DLGAP2: variants seen among roughly 807,000 people sequenced by gnomAD.
The protein encoded by DLGAP2 is disks large-associated protein 2.
Under a neutral mutation model 100.3 loss-of-function variants are expected in DLGAP2, and 26 were observed. The ratio of observed to expected loss-of-function variants is 0.26; its 90% CI spans 0.19 to 0.36. The LOEUF is 0.36. Among genes scored for constraint, DLGAP2 ranks in the 10% least tolerant of loss-of-function variants. The pLI, the probability that DLGAP2 is intolerant of heterozygous loss-of-function variation, is 1.00. For synonymous variants in DLGAP2, 886 were observed against 630.1 expected, an observed-to-expected ratio of 1.41 and a Z score of -6.08; for missense variants, 1,858 against 1,453.2, an observed-to-expected ratio of 1.28 and a Z score of -4.53.
chr8:826,586 G>A (rs986257542), intron 1 of DLGAP2, among the ~76,000 whole-genome samples: 3 of 152,046 alleles, frequency 2.0e-5, no homozygotes, highest in African/African-American at 7.2e-5. Flanking sequence ...TTCTTGGGAA[G>A]TAGTTGTTTT....
At chr8:822,552 A>G (rs898050080) in intron 1 of DLGAP2, among the ~76,000 whole-genome samples, 8 of 152,254 alleles carry the variant, frequency 5.3e-5, no homozygotes, top group African/African-American at 1.4e-4. Flanking sequence ...GACAGAGAGT[A>G]GGAGCAGGGC....
chr8:897,385 G>A (rs1386820698), intron 1 of DLGAP2, among the ~76,000 whole-genome samples: 1 of 152,170 alleles, frequency 6.6e-6, no homozygotes, highest in Non-Finnish European at 1.5e-5. Flanking sequence ...GAAAGCTTTA[G>A]GAAGGCCTGG....
At chr8:1,686,957 T>A (rs1429111354) in intron 12 of DLGAP2, among the ~76,000 whole-genome samples, 1 of 152,180 alleles carries the variant, frequency 6.6e-6, no homozygotes. Context: ...ACTGTAGACA[T>A]CTGTTCAAAT....
chr8:1,263,774 G>C (rs1646132152), intron 3 of DLGAP2, among the ~76,000 whole-genome samples: 1 of 152,238 alleles, frequency 6.6e-6, no homozygotes, highest in Non-Finnish European at 1.5e-5. Flanking sequence ...GCTCTCTGTG[G>C]AGAGGGAGGG....
At chr8:1,497,184 C>G (rs1799574111) in intron 3 of DLGAP2, among the ~76,000 whole-genome samples, 1 of 152,154 alleles carries the variant, frequency 6.6e-6, no homozygotes, top group African/African-American at 2.4e-5. Context: ...CATTCCCACG[C>G]GTGAATGGAT....
rs73186531 is a variant in DLGAP2 at position 1,230,843 on chromosome 8, T to C, written c.74-28008T>C. ...AACTGGATTCCTGCCTTTCAGCATA[T>C]GCAAAAATTAACTCAAGATGAATTA... On this transcript the variant is annotated intron_variant, in intron 2 of 14. Transcript: ENST00000637795. 2.0e-5 allele frequency among the ~76,000 whole-genome samples: 3 copies of C among 152,062 alleles called. No individual in the cohort carries two copies. In the South Asian group the frequency reaches 6.2e-4, roughly 32 times the overall value.
At chr8:1,195,203 A>T (rs1169431556) in intron 2 of DLGAP2, among the ~76,000 whole-genome samples, 1 of 152,202 alleles carries the variant, frequency 6.6e-6, no homozygotes, top group Non-Finnish European at 1.5e-5. Flanking sequence ...CCCCATGGTC[A>T]TCCCAGCTGG....
At chr8:956,277 G>A (rs1799595476) in intron 2 of DLGAP2, among the ~76,000 whole-genome samples, 1 of 152,208 alleles carries the variant, frequency 6.6e-6, no homozygotes, top group African/African-American at 2.4e-5. Flanking sequence ...CCGACAAGTT[G>A]TGCTCCCCAG....
intron 2 of DLGAP2, among the ~76,000 whole-genome samples, chr8:970,441 T>G (rs1268714511): frequency 6.6e-6 from 1 of 152,340 alleles, no homozygotes; most frequent in African/African-American, 2.4e-5. Context: ...AGCCCACCAG[T>G]GCTTAAGGAC....
At chr8:1,607,650 T>G (rs1214897024) in intron 6 of DLGAP2, among the ~76,000 whole-genome samples, 1 of 151,986 alleles carries the variant, frequency 6.6e-6, no homozygotes. Flanking sequence ...CACTAGGGAG[T>G]GCCAGACAGT....
chr8:1,161,661 A>T (rs1216197315), intron 2 of DLGAP2, among the ~76,000 whole-genome samples: 1 of 152,168 alleles, frequency 6.6e-6, no homozygotes, highest in Non-Finnish European at 1.5e-5. Context: ...CCTGTAGGGA[A>T]ATGGAGCCTA....
intron 2 of DLGAP2, among the ~76,000 whole-genome samples, chr8:962,719 G>A (rs1799755820): frequency 6.6e-6 from 1 of 152,216 alleles, no homozygotes; most frequent in African/African-American, 2.4e-5. Context: ...CTGGAGACAT[G>A]ATGTGCTATG....
At chr8:1,569,909 C>T (rs1195030412) in intron 6 of DLGAP2, among the ~76,000 whole-genome samples, 1 of 152,044 alleles carries the variant, frequency 6.6e-6, no homozygotes, top group Non-Finnish European at 1.5e-5. Flanking sequence ...CACCCCATGG[C>T]ACTGCTCTGT....
intron 3 of DLGAP2, among the ~76,000 whole-genome samples, chr8:1,473,946 C>G (rs772733355): frequency 1.3e-5 from 2 of 152,140 alleles, no homozygotes; most frequent in Non-Finnish European, 1.5e-5. Flanking sequence ...TGTAAATTAC[C>G]CAGTCTTGTA....
In DLGAP2 at chr8:1,496,383, C is replaced by T. The variant is rs769874811; in HGVS notation, c.107-4983C>T. Among the ~76,000 whole-genome samples the T allele has an allele frequency of 1.2e-4, 18 of 152,208 alleles. No homozygotes were observed. The South Asian group carries it at 2.7e-3, about 23-fold the overall frequency. On this transcript the variant is annotated intron_variant, in intron 3 of 14. Coordinates refer to ENST00000637795, the MANE Select transcript of DLGAP2 (RefSeq NM_001346810.2). Reference sequence around the variant, plus strand: ...CTCTGTCCTCTGAGTATGCGCTCTGCCTCTCTGGTGCTGATTTCCTCACTT... The same window carrying T: ...CTCTGTCCTCTGAGTATGCGCTCTGTCTCTCTGGTGCTGATTTCCTCACTT...
intron 2 of DLGAP2, among the ~76,000 whole-genome samples, chr8:1,203,734 C>T (rs1797932285): frequency 6.6e-6 from 1 of 152,162 alleles, no homozygotes. Flanking sequence ...AATGATTTCT[C>T]CACTCTCACT....
At chr8:923,354 C>T (rs952161865) in intron 2 of DLGAP2, among the ~76,000 whole-genome samples, 5 of 152,234 alleles carry the variant, frequency 3.3e-5, no homozygotes, top group Admixed American at 2.0e-4. Flanking sequence ...CCTAGGAATG[C>T]GTGGAGGAAG....
rs544484963 is a variant in DLGAP2, at chr8:827,797, G to A, written c.19-80115G>A. On this transcript the variant is annotated intron_variant, in intron 1 of 14. Transcript: ENST00000637795. ...ACAAAGACTATGTGGAAAAGAAACT[G>A]AGGACACATTTATTATCGGGGGACC... Among the ~76,000 whole-genome samples the A allele has an allele frequency of 1.4e-4, 22 of 152,304 alleles. No homozygotes were observed. The South Asian group carries it at 4.4e-3, about 30-fold the overall frequency.
intron 1 of DLGAP2, among the ~76,000 whole-genome samples, chr8:795,679 A>AGGCGTCCGGTGAGAG (rs1796012659): frequency 3.7e-5 from 1 of 26,958 alleles, no homozygotes; most frequent in South Asian, 1.4e-3. Flanking sequence ...TCCAGTGAGA[A>AGGCGTCCGGTGAGAG]CAGGCGTCCA....
Sources: allele counts gnomAD v4.1 joint callset (sites outside exome capture counted in the v4.1 genomes callset), GRCh38; gene constraint gnomAD v4.1.1; transcripts MANE v1.5; gene names NCBI Gene and HGNC (gene_info 2026-07-23, HGNC 2026-07-21).